Variants in GPHN observed in about 807,000 individuals in gnomAD.
The protein encoded by GPHN is gephyrin.
In GPHN, 17 loss-of-function variants were observed where a neutral mutation model predicts 95.5. The observed-to-expected ratio is 0.18, with a 90% CI of 0.12 to 0.27. The LOEUF (loss-of-function observed/expected upper bound fraction) is 0.27. Ranked by LOEUF, GPHN falls within the 10% of genes least tolerant of loss-of-function variation. GPHN has a pLI of 1.00. For missense variants in GPHN, 660 were observed against 978.1 expected (o/e 0.67, Z 4.34); for synonymous variants, 320 against 322.5 (o/e 0.99, Z 0.08).
the GPHN span, among the ~76,000 whole-genome samples, chr14:67,284,640 G>T: frequency 2.9e-4 from 41 of 143,236 alleles, no homozygotes; most frequent in Middle Eastern, 4.1e-3. Flanking sequence ...CCCATTAATG[G>T]TCACTCCCTA....
At chr14:67,082,468 C>T (rs1206276576) in intron 11 of GPHN, among the ~76,000 whole-genome samples, 1 of 152,108 alleles carries the variant, frequency 6.6e-6, no homozygotes, top group Non-Finnish European at 1.5e-5. Flanking sequence ...TTTCTAAGTT[C>T]TCTATTCTAT....
Position 67,165,156 on chromosome 14 carries a change from T to C in GPHN, c.1911-6T>C, listed in dbSNP as rs369800026. 192 of 1,602,126 alleles carry C rather than the reference T, an allele frequency of 1.2e-4. No individual in the cohort carries two copies. The highest frequency in any genetic ancestry group is 1.5e-4 in the Non-Finnish European group (180 of 1,169,260). ...TCACTAACAAGTGACTCTTTTTTTCTTCTAGCTTGCCAACAACATTTGCAA... is the reference window on the plus strand; with the variant it reads ...TCACTAACAAGTGACTCTTTTTTTCCTCTAGCTTGCCAACAACATTTGCAA... On this transcript the variant is annotated splice_polypyrimidine_tract_variant and splice_region_variant and intron_variant, in intron 19 of 22. Coordinates refer to ENST00000478722, the MANE Select transcript of GPHN (RefSeq NM_020806.5).
In GPHN at chr14:66,692,588, A is replaced by C. The variant is rs532350667; in HGVS notation, c.143+11403A>C. Among the ~76,000 whole-genome samples, 10 of 152,312 alleles carry C rather than the reference A, an allele frequency of 6.6e-5. No homozygotes were observed. In the East Asian group the frequency reaches 1.5e-3, roughly 23 times the overall value. On this transcript the variant is annotated intron_variant, in intron 2 of 22. Transcript: ENST00000478722. ...AGAACACAGAAAGCAAGTGGGGAAC[A>C]CAGATGTCTACCTTTTTTTCTTATC...
chr14:66,717,046 G>T (rs983985074), intron 2 of GPHN, among the ~76,000 whole-genome samples: 6 of 152,174 alleles, frequency 3.9e-5, no homozygotes, highest in African/African-American at 1.2e-4. Context: ...TAGGTCTCTA[G>T]CAAGACTGGG....
At chr14:66,902,814 G>A (rs182339424) in intron 5 of GPHN, among the ~76,000 whole-genome samples, 37 of 152,108 alleles carry the variant, frequency 2.4e-4, no homozygotes, top group African/African-American at 5.3e-4. Flanking sequence ...GGTGGCCTGG[G>A]TTTCTCTTTT....
At chr14:67,689,489 C>A in the GPHN span, among the ~76,000 whole-genome samples, 2 of 152,104 alleles carry the variant, frequency 1.3e-5, no homozygotes, top group African/African-American at 4.8e-5. Flanking sequence ...ATTCCCAGTA[C>A]CTGTTTTAGT....
At chr14:67,131,868 A>G (rs966594491) in intron 17 of GPHN, among the ~76,000 whole-genome samples, 4 of 152,158 alleles carry the variant, frequency 2.6e-5, no homozygotes, top group Non-Finnish European at 5.9e-5. Context: ...GTATTGAATA[A>G]GGATTCAACT....
intron 5 of GPHN, among the ~76,000 whole-genome samples, chr14:66,913,625 C>T (rs2065779147): frequency 6.6e-6 from 1 of 152,200 alleles, no homozygotes; most frequent in South Asian, 2.1e-4. Flanking sequence ...CAGGCATGAG[C>T]CACCACACTG....
intron 14 of GPHN, 143 bp downstream of exon 14, chr14:67,110,402 T>C (rs1595180137): frequency 1.3e-6 from 1 of 779,098 alleles, no homozygotes; most frequent in Non-Finnish European, 2.3e-6. Flanking sequence ...GGATCTTATA[T>C]TGTAGTATAT....
chr14:67,564,905 G>A, the GPHN span, among the ~76,000 whole-genome samples: 1 of 151,998 alleles, frequency 6.6e-6, no homozygotes, highest in Non-Finnish European at 1.5e-5. Context: ...TGCCCTGGCT[G>A]GTCTCGAACT....
At chr14:67,303,580 C>T in the GPHN span, 1 of 1,613,510 alleles carries the variant, frequency 6.2e-7, no homozygotes, top group African/African-American at 1.3e-5. Flanking sequence ...ATCAAGCCGC[C>T]TCCTGCCAAG....
the GPHN span, among the ~76,000 whole-genome samples, chr14:67,521,822 A>G: frequency 6.6e-6 from 1 of 152,178 alleles, no homozygotes; most frequent in African/African-American, 2.4e-5. Context: ...ATCACCTCAT[A>G]CTTTTAAGTA....
chr14:67,089,161 A>ATTTTTTTT (rs2077049176), intron 12 of GPHN, 86 bp downstream of exon 12: 1 of 450,660 alleles, frequency 2.2e-6, no homozygotes, highest in Non-Finnish European at 4.1e-6. Flanking sequence ...TTTTTTTTCA[A>ATTTTTTTT]ATTTTTGGCT....
intron 11 of GPHN, among the ~76,000 whole-genome samples, chr14:67,071,771 A>G (rs2076321321): frequency 6.6e-6 from 1 of 152,082 alleles, no homozygotes; most frequent in African/African-American, 2.4e-5. Context: ...GTTCCTATAC[A>G]TATTCACTCT....
At chr14:66,928,443 A>G (rs1051040420) in intron 8 of GPHN, among the ~76,000 whole-genome samples, 1 of 152,044 alleles carries the variant, frequency 6.6e-6, no homozygotes, top group Admixed American at 6.5e-5. Flanking sequence ...AGATTTGGCA[A>G]TTTTGTTTAT....
intron 1 of GPHN, among the ~76,000 whole-genome samples, chr14:66,520,207 T>G (rs181576195): frequency 1.3e-5 from 2 of 152,276 alleles, no homozygotes; most frequent in East Asian, 1.9e-4. Context: ...AGTTTATAAG[T>G]TTTTTATAAT....
intron 11 of GPHN, among the ~76,000 whole-genome samples, chr14:67,087,795 T>G (rs562658198): frequency 1.3e-5 from 2 of 152,318 alleles, no homozygotes; most frequent in Admixed American, 6.5e-5. Context: ...CAATGAAATT[T>G]TATAAATTAT....
the GPHN span, chr14:67,392,391 C>T: frequency 3.1e-6 from 5 of 1,614,022 alleles, no homozygotes; most frequent in East Asian, 8.9e-5. Flanking sequence ...AGGCTAATTT[C>T]TTCCTTGGGG....
chr14:67,478,138 G>A, the GPHN span, among the ~76,000 whole-genome samples: 95 of 152,326 alleles, frequency 6.2e-4, 5 homozygotes, highest in Admixed American at 2.0e-4. Flanking sequence ...GACGGCTGGG[G>A]CAGCGTAGCT....
Sources: gnomAD v4.1 joint callset for allele counts (sites outside exome capture counted in the v4.1 genomes callset) on GRCh38, gnomAD v4.1.1 for gene constraint, MANE v1.5 for transcripts, NCBI Gene and HGNC (gene_info 2026-07-23, HGNC 2026-07-21) for gene names.